The following PF4 variants were observed in gnomAD, a reference collection of about 807,000 sequenced individuals.
PF4 encodes platelet factor 4.
Under a neutral mutation model 6.9 loss-of-function variants are expected in PF4, and 8 were observed. The ratio of observed to expected loss-of-function variants is 1.16; its 90% CI spans 0.68 to 2.09. The LOEUF is 2.09. Among genes scored for constraint, PF4 ranks in the 30% most tolerant of loss-of-function variants. PF4 has a pLI of 0.00. For synonymous variants in PF4, 55 were observed against 56.5 expected (o/e 0.97, Z 0.12); for missense variants, 111 against 122.9 (o/e 0.90, Z 0.46).
Position 73,981,478 on chromosome 4 carries a change from T to A in PF4, c.157A>T (p.Arg53Trp), listed in dbSNP as rs1163028079. The A allele has an allele frequency of 1.2e-6, 2 of 1,614,056 alleles. No individual in the cohort carries two copies. The highest frequency in any genetic ancestry group is 1.7e-6 in the Non-Finnish European group (2 of 1,180,030). The change falls in exon 2 of 3, where the codon AGG becomes TGG. Residue 53 changes from arginine to tryptophan, a missense_variant. By Grantham distance (101) the Arg-to-Trp change is moderately radical. Coordinates refer to ENST00000296029, the MANE Select transcript of PF4 (RefSeq NM_002619.4). ...CVKTTSQVRP[R>W]HITSLEVIKA... ...ATCACCTCCAGGCTGGTGATGTGCC[T>A]GGGACGGACCTGGGAGGTGGTCTTC...
In PF4 at chr4:73,981,881, C is replaced by T. The variant is rs116796864; in HGVS notation, c.73G>A (p.Val25Met). 295 of 1,551,386 alleles carry T rather than the reference C, an allele frequency of 1.9e-4. 2 individuals are homozygous for T. The East Asian group carries it at 5.3e-3, about 28-fold the overall frequency. The stretch of plus-strand genomic sequence containing the variant: ...CTCTCACCGCTGGCGAAGGCGACCA[C>T]AAGTGGCAGGAGCAGCAACCCCAGG... ...LFLGLLLLPL[V>M]VAFASAEAEE... Residue 25 changes from valine (V) to methionine (M), a missense_variant, in exon 1 of 3, where the codon GTG (valine) becomes ATG (methionine). Val to Met is a conservative substitution (Grantham distance 21). Transcript: ENST00000296029.
intron 1 of PF4, 126 bp downstream of exon 1, chr4:73,981,737 A>T: frequency 1.4e-6 from 2 of 1,476,220 alleles, no homozygotes; most frequent in East Asian, 5.0e-5. Context: ...CTGTGGCCAG[A>T]CACTCAGCAG....
At chr4:73,982,098 G>A (rs1009956379), upstream of PF4, 2 of 438,010 alleles carry the variant, frequency 4.6e-6, no homozygotes, top group East Asian at 5.3e-5. Flanking sequence ...AGTGGACACC[G>A]AGGAACTGCG....
chr4:73,981,706 G>A lies in PF4; in HGVS notation c.91+157C>T, dbSNP rs565568106. ...AGAAGTTGTTCTAACCAGGTGGGAG[G>A]TGCAGGTGCAGCGCCTGGCACTGTG... On this transcript the variant is annotated intron_variant, in intron 1 of 2. Transcript: ENST00000296029. 6.1e-6 allele frequency: 6 copies of A among 985,334 alleles called. No individual in the cohort carries two copies. In the South Asian group the frequency reaches 2.8e-4, roughly 46 times the overall value. 61.0% of individuals were successfully genotyped at this position (985,334 alleles called of 1,614,324 possible). A position where few individuals can be genotyped will look rare whatever the true frequency, so the allele number is the denominator to read the frequency against.
Position 73,981,005 on chromosome 4 carries a change from C to T in PF4, c.*199G>A. On this transcript the variant is annotated 3_prime_UTR_variant, in exon 3 of 3. Transcript: ENST00000296029. The stretch of plus-strand genomic sequence containing the variant: ...TTGCTTAAAATACCGGAATTTTTTT[C>T]TTCCATGAAATTGTTATGTGTCAAC... 1.8e-6 allele frequency: 1 copy of T among 557,508 alleles called. No homozygotes were observed. 34.5% of individuals were successfully genotyped at this position (557,508 alleles called of 1,614,324 possible).
At position 73,981,517 on chromosome 4, in the gene PF4, GC is replaced by G. The variant is rs752500140; in HGVS notation, c.117del (p.Gln40SerfsTer5). 27 of 1,613,788 alleles carry G rather than the reference GC, an allele frequency of 1.7e-5. No individual in the cohort carries two copies. Among genetic ancestry groups the G allele is most frequent in the Non-Finnish European group, 2.3e-5 (27 of 1,179,912 alleles). On this transcript the variant is annotated frameshift_variant, in exon 2 of 3. Transcript: ENST00000296029. LOFTEE classifies it high-confidence loss of function. ...ASAEAEEDGD[L>X]QCLCVKTTSQ... ...GAGGTGGTCTTCACACACAGGCACT[GC>G]AGGTCCCCATCTTCTTCAGCTTCAG...
rs1718790184 is a variant in PF4, at chr4:73,981,546, G to A, written c.92-3C>T. On this transcript the variant is annotated splice_region_variant and splice_polypyrimidine_tract_variant and intron_variant, in intron 1 of 2. Transcript: ENST00000296029. ...GTCCCCATCTTCTTCAGCTTCAGCT[G>A]AGGGGGAAATGGAGAGGGTAAGAGA... is the stretch of plus-strand genomic sequence containing the variant. 1.2e-6 allele frequency: 2 copies of A among 1,612,146 alleles called. No individual in the cohort carries two copies. Among genetic ancestry groups the A allele is most frequent in the African/African-American group, 1.3e-5 (1 of 74,902 alleles).
rs1157920013 is a variant in PF4 at position 73,981,899 on chromosome 4, A to G, written c.55T>C (p.Leu19=). ...GCGACCACAAGTGGCAGGAGCAGCAACCCCAGGAACAGCAGCCCGGGGCGT... is the reference window on the plus strand; with the variant it reads ...GCGACCACAAGTGGCAGGAGCAGCAGCCCCAGGAACAGCAGCCCGGGGCGT... ...ASRPGLLFLG[L]LLLPLVVAFA... The change falls in exon 1 of 3, where the codon TTG becomes CTG. Residue 19 remains leucine, a synonymous_variant. Coordinates refer to ENST00000296029, the MANE Select transcript of PF4 (RefSeq NM_002619.4). 1 of 1,551,064 alleles carries G rather than the reference A, an allele frequency of 6.4e-7. No homozygotes were observed. Among genetic ancestry groups the G allele is most frequent in the African/African-American group, 1.4e-5 (1 of 72,940 alleles).
rs1718761641 is a variant in PF4, at chr4:73,980,948, A to G, written c.*256T>C. The G allele has an allele frequency of 6.3e-6, 3 of 473,292 alleles. No homozygotes were observed. In the East Asian group the frequency reaches 1.1e-4, roughly 18 times the overall value. The allele number at this position is 473,292 out of a possible 1,614,324, so 29.3% of individuals were successfully genotyped here. ...CAGCCAACATGTAACACCAAGCATAACCAGTATTCACACCTTCCTTCAAAA... is the reference window on the plus strand; with the variant it reads ...CAGCCAACATGTAACACCAAGCATAGCCAGTATTCACACCTTCCTTCAAAA... On this transcript the variant is annotated 3_prime_UTR_variant, in exon 3 of 3. Transcript: ENST00000296029.
chr4:73,982,034 T>C (rs2109811393), upstream of PF4: 4 of 1,182,642 alleles, frequency 3.4e-6, no homozygotes, highest in Middle Eastern at 3.9e-4. Flanking sequence ...CAATGACTCC[T>C]GAGCCTCGCC....
In PF4 at chr4:73,981,494, G is replaced by A. The variant is rs747219092; in HGVS notation, c.141C>T (p.Thr47=). The part of the protein sequence containing the change: ...GDLQCLCVKT[T]SQVRPRHITS... Reference sequence around the variant, plus strand: ...TGATGTGCCTGGGACGGACCTGGGAGGTGGTCTTCACACACAGGCACTGCA... The same window carrying A: ...TGATGTGCCTGGGACGGACCTGGGAAGTGGTCTTCACACACAGGCACTGCA... The change falls in exon 2 of 3, where the codon ACC becomes ACT. Residue 47 remains threonine, a synonymous_variant. Coordinates refer to ENST00000296029, the MANE Select transcript of PF4 (RefSeq NM_002619.4). 3.0e-5 allele frequency: 48 copies of A among 1,614,020 alleles called. No homozygotes were observed. Among genetic ancestry groups the A allele is most frequent in the East Asian group, 2.2e-5 (1 of 44,890 alleles).
At chr4:73,981,807 C>A in intron 1 of PF4, 56 bp downstream of exon 1, 2 of 1,541,442 alleles carry the variant, frequency 1.3e-6, no homozygotes, top group South Asian at 2.4e-5. Context: ...AGCCCCAGGG[C>A]TTCCCGGACT....
Position 73,981,236 on chromosome 4 carries a change from T to G in PF4, c.274A>C (p.Lys92Gln), listed in dbSNP as rs746934074. 2.5e-6 allele frequency: 4 copies of G among 1,614,240 alleles called. No homozygotes were observed. The highest frequency in any genetic ancestry group is 1.3e-5 in the African/African-American group (1 of 75,076). The change falls in exon 3 of 3, where the codon AAG becomes CAG. Residue 92 changes from lysine (K) to glutamine (Q), a missense_variant. Transcript: ENST00000296029. ...ICLDLQAPLY[K>Q]KIIKKLLES Reference sequence around the variant, plus strand: ...TCCAAAAGTTTCTTAATTATTTTCTTGTACAGCGGGGCTTGCAGGTCCAAG... The same window carrying G: ...TCCAAAAGTTTCTTAATTATTTTCTGGTACAGCGGGGCTTGCAGGTCCAAG...
In PF4 at chr4:73,981,484, G is replaced by A. The variant is rs1391535021; in HGVS notation, c.151C>T (p.Arg51Cys). The A allele has an allele frequency of 4.6e-5, 74 of 1,614,050 alleles. 1 individual carries two copies. The Admixed American group carries it at 8.8e-4, about 19-fold the overall frequency. The stretch of plus-strand genomic sequence containing the variant: ...TCCAGGCTGGTGATGTGCCTGGGAC[G>A]GACCTGGGAGGTGGTCTTCACACAC... ...CLCVKTTSQV[R>C]PRHITSLEVI... Residue 51 changes from arginine (R) to cysteine (C), a missense_variant, in exon 2 of 3, where the codon CGT becomes TGT. Coordinates refer to ENST00000296029, the MANE Select transcript of PF4 (RefSeq NM_002619.4).
At chr4:73,981,725 C>T in intron 1 of PF4, 138 bp downstream of exon 1, 2 of 1,475,022 alleles carry the variant, frequency 1.4e-6, no homozygotes, top group Non-Finnish European at 1.8e-6. Context: ...CAGCGCCTGG[C>T]ACTGTGGCCA....
upstream of PF4, chr4:73,982,045 G>C (rs1050533424): frequency 9.4e-7 from 1 of 1,059,968 alleles, no homozygotes; most frequent in Non-Finnish European, 1.4e-6. Context: ...GAGCCTCGCC[G>C]GCACGTTTTA....
chr4:73,981,058 A>T lies in PF4; in HGVS notation c.*146T>A, dbSNP rs530284824. On this transcript the variant is annotated 3_prime_UTR_variant, in exon 3 of 3. Coordinates refer to ENST00000296029, the MANE Select transcript of PF4 (RefSeq NM_002619.4). ...AATTTTTGCACTATTATTAAGAAGTATTTTGACTATACTACAACTTGATTT... is the reference window on the plus strand; with the variant it reads ...AATTTTTGCACTATTATTAAGAAGTTTTTTGACTATACTACAACTTGATTT... The T allele has an allele frequency of 3.4e-4, 221 of 650,604 alleles. 1 individual carries two copies. The Middle Eastern group carries it at 7.3e-3, about 21-fold the overall frequency. 40.3% of individuals were successfully genotyped at this position (650,604 alleles called of 1,614,324 possible).
rs1718790080 is a variant in PF4 at position 73,981,544 on chromosome 4, C to T, written c.92-1G>A. 1.2e-6 allele frequency: 2 copies of T among 1,612,358 alleles called. No homozygotes were observed. Among genetic ancestry groups the T allele is most frequent in the Non-Finnish European group, 1.7e-6 (2 of 1,179,226 alleles). The stretch of plus-strand genomic sequence containing the variant: ...AGGTCCCCATCTTCTTCAGCTTCAG[C>T]TGAGGGGGAAATGGAGAGGGTAAGA... On this transcript the variant is annotated splice_acceptor_variant, in intron 1 of 2. Transcript: ENST00000296029. LOFTEE classifies it high-confidence loss of function.
At position 73,981,488 on chromosome 4, in the gene PF4, C is replaced by A; in HGVS notation, c.147G>T (p.Gln49His). The A allele has an allele frequency of 1.2e-6, 2 of 1,614,118 alleles. No individual in the cohort carries two copies. Among genetic ancestry groups the A allele is most frequent in the African/African-American group, 1.3e-5 (1 of 75,030 alleles). The change falls in exon 2 of 3, where the codon CAG (glutamine) becomes CAT (histidine). Residue 49 changes from glutamine (Q) to histidine (H), a missense_variant. Physicochemically the swap from Gln to His is conservative, Grantham distance 24. Transcript: ENST00000296029. Reference protein sequence around the residue: ...LQCLCVKTTSQVRPRHITSLE... With the variant: ...LQCLCVKTTSHVRPRHITSLE... ...GGCTGGTGATGTGCCTGGGACGGACCTGGGAGGTGGTCTTCACACACAGGC... is the reference window on the plus strand; with the variant it reads ...GGCTGGTGATGTGCCTGGGACGGACATGGGAGGTGGTCTTCACACACAGGC...
Sources: allele counts gnomAD v4.1 joint callset, GRCh38; gene constraint gnomAD v4.1.1; transcripts MANE v1.5; gene names NCBI Gene and HGNC (gene_info 2026-07-23, HGNC 2026-07-21).